Variants in MYO1E observed in about 807,000 individuals in gnomAD.
The protein encoded by MYO1E is unconventional myosin-Ie.
MYO1E carries 68 observed loss-of-function variants against 151.1 expected under a neutral mutation model. The observed-to-expected ratio is 0.45, with a 90% CI of 0.37 to 0.55. MYO1E has a LOEUF of 0.55. MYO1E is among the 20% of genes least tolerant of loss of function. MYO1E has a pLI of 0.00. For synonymous variants in MYO1E, 601 were observed against 501.7 expected, an observed-to-expected ratio of 1.20 and a Z score of -2.64; for missense variants, 1,363 against 1,389.3, an observed-to-expected ratio of 0.98 and a Z score of 0.30.
Position 59,173,866 on chromosome 15 carries a change from G to T in MYO1E, c.2214C>A (p.Asn738Lys). Residue 738 changes from asparagine (N) to lysine (K), a missense_variant, in exon 21 of 28, where the codon AAC becomes AAA. Transcript: ENST00000288235. ...NKKERRRNSI[N>K]RNFIGDYIGM... ...CAATATAATCCCCTATAAAGTTCCT[G>T]TTAATACTGTTTCTCCTTCTCTCCT... The T allele has an allele frequency of 6.2e-7, 1 of 1,614,092 alleles. No homozygotes were observed. The highest frequency in any genetic ancestry group is 8.5e-7 in the Non-Finnish European group (1 of 1,179,994).
chr15:59,301,032 T>A (rs912427039), intron 1 of MYO1E, among the ~76,000 whole-genome samples: 3 of 152,062 alleles, frequency 2.0e-5, no homozygotes, highest in Non-Finnish European at 4.4e-5. Flanking sequence ...CATACCTGGC[T>A]AATTTTTGTA....
intron 1 of MYO1E, among the ~76,000 whole-genome samples, chr15:59,368,745 C>G (rs1221646303): frequency 6.9e-6 from 1 of 144,310 alleles, no homozygotes. Flanking sequence ...GACTCCAACT[C>G]AAAAAAAAAA....
At chr15:59,315,670 A>G (rs570764614) in intron 1 of MYO1E, among the ~76,000 whole-genome samples, 1 of 152,228 alleles carries the variant, frequency 6.6e-6, no homozygotes, top group Non-Finnish European at 1.5e-5. Context: ...ATATCACTTC[A>G]TCAGACTGTG....
intron 21 of MYO1E, 136 bp downstream of exon 21, chr15:59,173,610 T>C (rs1566970394): frequency 1.0e-6 from 1 of 1,001,322 alleles, no homozygotes. Flanking sequence ...TGTTTATCTT[T>C]TGGTTTACTG....
intron 5 of MYO1E, among the ~76,000 whole-genome samples, chr15:59,234,340 G>A (rs1337387579): frequency 6.6e-6 from 1 of 152,152 alleles, no homozygotes; most frequent in Non-Finnish European, 1.5e-5. Context: ...TGTAATTAAA[G>A]AAGGGAAGAG....
chr15:59,205,534 AATTGAACAAAATCATTT>A (rs1566978096), intron 14 of MYO1E, 49 bp from the exon 15 acceptor site: 1 of 1,337,826 alleles, frequency 7.5e-7, no homozygotes, highest in Admixed American at 2.0e-5. Context: ...AAATGTAATT[AATTGAACAAAATCATTT>A]ATTGAACAAA....
At chr15:59,255,271 G>A (rs1021441018) in intron 4 of MYO1E, among the ~76,000 whole-genome samples, 5 of 151,906 alleles carry the variant, frequency 3.3e-5, no homozygotes, top group Non-Finnish European at 5.9e-5. Flanking sequence ...AATGACACCA[G>A]ACGCCTGGCT....
chr15:59,198,911 T>C (rs1309192580), intron 16 of MYO1E, among the ~76,000 whole-genome samples: 2 of 152,094 alleles, frequency 1.3e-5, no homozygotes, highest in Non-Finnish European at 2.9e-5. Flanking sequence ...ATGTCCCTTA[T>C]AGCTCCAGCT....
chr15:59,282,979 G>C (rs2140391016), intron 1 of MYO1E, among the ~76,000 whole-genome samples: 1 of 87,010 alleles, frequency 1.1e-5, no homozygotes, highest in Admixed American at 1.2e-4. Flanking sequence ...GGGGAAAGGG[G>C]AAAGGGGAAA....
intron 26 of MYO1E, among the ~76,000 whole-genome samples, chr15:59,144,047 A>AGG (rs1408267098): frequency 2.6e-4 from 39 of 152,116 alleles, no homozygotes; most frequent in Admixed American, 1.3e-4. Context: ...GTGTAGCAGG[A>AGG]GGGGGACGTG....
intron 2 of MYO1E, among the ~76,000 whole-genome samples, chr15:59,267,128 C>T (rs2080260684): frequency 7.0e-6 from 1 of 142,058 alleles, no homozygotes; most frequent in Non-Finnish European, 1.5e-5. Flanking sequence ...CGGGTTCAAG[C>T]AATTCTCCTG....
At chr15:59,180,189 T>C (rs890696230) in intron 18 of MYO1E, among the ~76,000 whole-genome samples, 2 of 152,218 alleles carry the variant, frequency 1.3e-5, no homozygotes, top group African/African-American at 4.8e-5. Context: ...TGAAAATGCC[T>C]AGTGGAAGTC....
At chr15:59,187,990 T>C (rs140214327) in intron 18 of MYO1E, 128 bp downstream of exon 18, 160 of 758,974 alleles carry the variant, frequency 2.1e-4, no homozygotes, top group East Asian at 8.2e-4. Flanking sequence ...ACGGTGGTGA[T>C]AGTTGCACAA....
chr15:59,284,585 G>A (rs1452664501), intron 1 of MYO1E, among the ~76,000 whole-genome samples: 1 of 151,404 alleles, frequency 6.6e-6, no homozygotes, highest in East Asian at 1.9e-4. Context: ...TAGTAGCCAG[G>A]GCTACAGGTG....
intron 4 of MYO1E, among the ~76,000 whole-genome samples, chr15:59,242,568 G>A (rs554295320): frequency 2.0e-5 from 3 of 152,302 alleles, no homozygotes; most frequent in East Asian, 3.9e-4. Flanking sequence ...ACTAATAAAT[G>A]TGGAAGGAAT....
intron 18 of MYO1E, among the ~76,000 whole-genome samples, chr15:59,184,955 T>C (rs1028022491): frequency 6.6e-6 from 1 of 152,204 alleles, no homozygotes; most frequent in Non-Finnish European, 1.5e-5. Context: ...CATTTGTTAT[T>C]GCCTGTCTTT....
intron 1 of MYO1E, among the ~76,000 whole-genome samples, chr15:59,304,973 G>A (rs1342325175): frequency 6.6e-6 from 1 of 152,196 alleles, no homozygotes; most frequent in African/African-American, 2.4e-5. Flanking sequence ...CTTGTCCAAG[G>A]TCAGTGCTCT....
intron 5 of MYO1E, among the ~76,000 whole-genome samples, chr15:59,232,101 G>A (rs1390117384): frequency 6.6e-6 from 1 of 152,126 alleles, no homozygotes. Context: ...TTCACCAAAA[G>A]TGAAGTGGTA....
At chr15:59,362,085 C>T (rs1366468523) in intron 1 of MYO1E, among the ~76,000 whole-genome samples, 1 of 152,148 alleles carries the variant, frequency 6.6e-6, no homozygotes, top group Admixed American at 6.5e-5. Context: ...GATCCACCCG[C>T]CTCGGCCTTC....
Sources: allele counts gnomAD v4.1 joint callset (sites outside exome capture counted in the v4.1 genomes callset), GRCh38; gene constraint gnomAD v4.1.1; transcripts MANE v1.5; gene names NCBI Gene and HGNC (gene_info 2026-07-23, HGNC 2026-07-21).